The following CNGB3 variants were observed in gnomAD, a reference collection of about 807,000 sequenced individuals.
CNGB3 encodes cyclic nucleotide-gated channel beta-3.
CNGB3 carries 86 observed loss-of-function variants against 92.8 expected under a neutral mutation model. The observed-to-expected ratio is 0.93, with a 90% confidence interval of 0.78 to 1.11. CNGB3 has a LOEUF of 1.11. Ranked by LOEUF, CNGB3 falls within the 50% of genes least tolerant of loss-of-function variation. CNGB3 has a pLI of 0.00. For synonymous variants in CNGB3, 333 were observed against 332.7 expected, an observed-to-expected ratio of 1.00 and a Z score of -0.01; for missense variants, 1,026 against 956.8, an observed-to-expected ratio of 1.07 and a Z score of -0.95.
At chr8:86,693,974 A>G (rs1275257995) in intron 3 of CNGB3, among the ~76,000 whole-genome samples, 9 of 151,250 alleles carry the variant, frequency 6.0e-5, no homozygotes, top group Non-Finnish European at 7.4e-5. Flanking sequence ...CACCTACCAG[A>G]TGGGGTGGTG....
At chr8:86,724,757 G>C (rs1301832695) in intron 3 of CNGB3, among the ~76,000 whole-genome samples, 1 of 152,050 alleles carries the variant, frequency 6.6e-6, no homozygotes, top group African/African-American at 2.4e-5. Flanking sequence ...AGAATGAATA[G>C]AAGTTAATTA....
At chr8:86,669,978 T>C (rs1007896970) in intron 4 of CNGB3, among the ~76,000 whole-genome samples, 135 of 152,200 alleles carry the variant, frequency 8.9e-4, no homozygotes, top group Non-Finnish European at 1.2e-4. Flanking sequence ...ACCTCCCAAG[T>C]AGCTGGTACT....
chr8:86,668,888 G>A (rs1823802427), intron 4 of CNGB3, among the ~76,000 whole-genome samples: 1 of 152,086 alleles, frequency 6.6e-6, no homozygotes, highest in Non-Finnish European at 1.5e-5. Context: ...GCATGGTGGT[G>A]CACGCCTGTA....
chr8:86,708,128 T>C (rs1002660405), intron 3 of CNGB3: 2 of 152,168 alleles, frequency 1.3e-5, no homozygotes, highest in Non-Finnish European at 2.9e-5. Context: ...AGATATAAAT[T>C]TGGGAACCAT....
At chr8:86,591,132 C>T (rs956559038) in intron 15 of CNGB3, among the ~76,000 whole-genome samples, 2 of 151,324 alleles carry the variant, frequency 1.3e-5, no homozygotes, top group African/African-American at 4.9e-5. Context: ...TTGATCACAT[C>T]GGCTCCTGAG....
At chr8:86,595,820 A>T (rs896227141) in intron 15 of CNGB3, among the ~76,000 whole-genome samples, 1 of 152,216 alleles carries the variant, frequency 6.6e-6, no homozygotes, top group African/African-American at 2.4e-5. Context: ...GAAGAAATAG[A>T]CAATAATGAT....
chr8:86,582,833 C>T (rs1468891696), intron 15 of CNGB3, among the ~76,000 whole-genome samples: 1 of 152,122 alleles, frequency 6.6e-6, no homozygotes, highest in Non-Finnish European at 1.5e-5. Context: ...ATTTAGAGTT[C>T]TTCAGGGAGA....
At chr8:86,606,048 G>GA (rs1822405101) in intron 14 of CNGB3, among the ~76,000 whole-genome samples, 1 of 152,038 alleles carries the variant, frequency 6.6e-6, no homozygotes, top group South Asian at 2.1e-4. Context: ...AGAAGCGAAG[G>GA]AAGCCTAGAA....
intron 1 of CNGB3, among the ~76,000 whole-genome samples, chr8:86,743,289 TA>T (rs1311348921): frequency 1.3e-5 from 2 of 152,232 alleles, no homozygotes; most frequent in African/African-American, 4.8e-5. Context: ...TTCCAAATCC[TA>T]GTATAGTCTC....
intron 6 of CNGB3, among the ~76,000 whole-genome samples, chr8:86,662,858 T>C (rs1435160561): frequency 6.6e-6 from 1 of 152,138 alleles, no homozygotes; most frequent in Non-Finnish European, 1.5e-5. Context: ...TTCATGGCCA[T>C]GGGAGAGCCA....
At chr8:86,666,852 A>G in intron 6 of CNGB3, 73 bp downstream of exon 6, 1 of 1,182,470 alleles carries the variant, frequency 8.5e-7, no homozygotes, top group Admixed American at 1.7e-5. Context: ...AAATAAAACA[A>G]TGCTGTTACT....
intron 10 of CNGB3, 103 bp from the exon 11 acceptor site, chr8:86,632,996 T>G: frequency 9.2e-7 from 1 of 1,085,804 alleles, no homozygotes; most frequent in Non-Finnish European, 1.4e-6. Flanking sequence ...AATTTCCTAC[T>G]AATCAAGATT....
intron 13 of CNGB3, among the ~76,000 whole-genome samples, chr8:86,619,596 A>AG (rs994825706): frequency 1.3e-5 from 2 of 152,094 alleles, no homozygotes; most frequent in African/African-American, 4.8e-5. Flanking sequence ...GATTAAGAGG[A>AG]GAAAAAACCT....
At chr8:86,700,851 G>C (rs6993111) in intron 3 of CNGB3, among the ~76,000 whole-genome samples, 11,893 of 152,198 alleles carry the variant, frequency 0.078, 586 homozygotes, top group East Asian at 0.13. Flanking sequence ...TGTTGGCCAG[G>C]CTGGTCTTGA....
intron 3 of CNGB3, among the ~76,000 whole-genome samples, chr8:86,688,303 C>A (rs1028122499): frequency 2.6e-5 from 4 of 152,012 alleles, no homozygotes; most frequent in African/African-American, 4.8e-5. Context: ...ACAAATCTAA[C>A]CCCTCTTCCA....
intron 13 of CNGB3, among the ~76,000 whole-genome samples, chr8:86,622,385 T>G (rs1211442149): frequency 6.6e-6 from 1 of 151,908 alleles, no homozygotes; most frequent in Non-Finnish European, 1.5e-5. Flanking sequence ...CTTTTTTTTT[T>G]TTTTTTTGAA....
intron 2 of CNGB3, among the ~76,000 whole-genome samples, chr8:86,732,694 A>G (rs1013295953): frequency 6.6e-6 from 1 of 152,140 alleles, no homozygotes; most frequent in Non-Finnish European, 1.5e-5. Flanking sequence ...CATCATCTCA[A>G]ACTAGAAAGC....
intron 10 of CNGB3, among the ~76,000 whole-genome samples, chr8:86,633,665 A>G (rs1191022710): frequency 1.3e-5 from 2 of 152,216 alleles, no homozygotes; most frequent in Non-Finnish European, 2.9e-5. Context: ...GAGACATTTG[A>G]ATCCACCTCT....
At chr8:86,715,451 CA>C (rs1468544907) in intron 3 of CNGB3, among the ~76,000 whole-genome samples, 22 of 152,202 alleles carry the variant, frequency 1.4e-4, no homozygotes, top group Middle Eastern at 3.4e-3. Context: ...CAAAAACAAT[CA>C]CTGCAGTTCA....
Sources: gnomAD v4.1 joint callset for allele counts (sites outside exome capture counted in the v4.1 genomes callset) on GRCh38, gnomAD v4.1.1 for gene constraint, MANE v1.5 for transcripts, NCBI Gene and HGNC (gene_info 2026-07-23, HGNC 2026-07-21) for gene names.